FBH1: variants seen among roughly 807,000 people sequenced by gnomAD.
FBH1 encodes the protein F-box DNA helicase 1, also known as DNA 3'-5' helicase 1.
A neutral mutation model predicts 115.5 loss-of-function variants in FBH1; 43 were observed. The ratio of observed to expected loss-of-function variants is 0.37; its 90% CI spans 0.29 to 0.48. FBH1 has a LOEUF of 0.48. FBH1 is among the 20% of genes least tolerant of loss of function. FBH1 has a pLI of 0.99. For synonymous variants in FBH1, 524 were observed against 507.8 expected, an observed-to-expected ratio of 1.03 and a Z score of -0.43; for missense variants, 1,001 against 1,337.3, an observed-to-expected ratio of 0.75 and a Z score of 3.92.
chr10:5,915,677 G>A lies in FBH1; in HGVS notation c.1565+106G>A. The A allele has an allele frequency of 1.0e-6, 1 of 1,004,100 alleles. No homozygotes were observed. Among genetic ancestry groups the A allele is most frequent in the Non-Finnish European group, 1.5e-6 (1 of 674,428 alleles). 62.2% of individuals were successfully genotyped at this position (1,004,100 alleles called of 1,614,324 possible). ...GCTTACACCACAGTGACCCCGAGGAGTGTAGTGCTGTTATCTCCACTTACA... is the reference window on the plus strand; with the variant it reads ...GCTTACACCACAGTGACCCCGAGGAATGTAGTGCTGTTATCTCCACTTACA... On this transcript the variant is annotated intron_variant, in intron 9 of 20. Transcript: ENST00000362091. The surrounding 1 kb of genome is among the most constrained non-coding windows in gnomAD (Gnocchi z 5.2).
chr10:5,903,116 C>G lies in FBH1; in HGVS notation c.98C>G (p.Thr33Arg). Residue 33 changes from threonine (T) to arginine (R), a missense_variant, in exon 2 of 21, where the codon ACA becomes AGA. Coordinates refer to ENST00000362091, the MANE Select transcript of FBH1 (RefSeq NM_178150.3). ...ACCCAGCCCTTCGGTCAAAGATGGACAAACAGAGATCCGAACCATGGTCTC... is the reference window on the plus strand; with the variant it reads ...ACCCAGCCCTTCGGTCAAAGATGGAGAAACAGAGATCCGAACCATGGTCTC... ...AVTQPFGQRW[T>R]NRDPNHGLYP... 6.2e-7 allele frequency: 1 copy of G among 1,613,792 alleles called. No individual in the cohort carries two copies. Among genetic ancestry groups the G allele is most frequent in the Non-Finnish European group, 8.5e-7 (1 of 1,179,888 alleles).
Position 5,909,318 on chromosome 10 carries a change from A to T in FBH1, c.1020+24A>T. 6.3e-7 allele frequency: 1 copy of T among 1,597,398 alleles called. No individual in the cohort carries two copies. Among genetic ancestry groups the T allele is most frequent in the Non-Finnish European group, 8.5e-7 (1 of 1,176,092 alleles). ...GGGTAGGTCTGGAGGCTGCGGGAGA[A>T]GGCGGCATGTTATTTCACTGGAGGA... is the stretch of plus-strand genomic sequence containing the variant. On this transcript the variant is annotated intron_variant, in intron 5 of 20. Coordinates refer to ENST00000362091, the MANE Select transcript of FBH1 (RefSeq NM_178150.3). This position sits in a 1 kb window ranked among gnomAD's most constrained non-coding sequence, Gnocchi z 4.4.
rs1360633972 is a variant in FBH1, at chr10:5,914,453, C to G, written c.1396+184C>G. ...GGAATACTTACTTCCCCGGACCACTCCATGAACATCCACAGAATTCCTGTT... is the reference window on the plus strand; with the variant it reads ...GGAATACTTACTTCCCCGGACCACTGCATGAACATCCACAGAATTCCTGTT... On this transcript the variant is annotated intron_variant, in intron 8 of 20. Transcript: ENST00000362091. This position sits in a 1 kb window ranked among gnomAD's most constrained non-coding sequence, Gnocchi z 5.2. Among the ~76,000 whole-genome samples, 1 of 152,256 alleles carries G rather than the reference C, an allele frequency of 6.6e-6. No homozygotes were observed. The highest frequency in any genetic ancestry group is 2.4e-5 in the African/African-American group (1 of 41,470).
chr10:5,890,554 G>A (rs1169785245), intron 1 of FBH1, among the ~76,000 whole-genome samples: 15 of 151,170 alleles, frequency 9.9e-5, no homozygotes, highest in Admixed American at 9.2e-4. Context: ...GGGTGCGCGG[G>A]GGAGGCCAGG....
rs937841869 is a variant in FBH1 at position 5,900,970 on chromosome 10, G to A, written c.2-2050G>A. Reference sequence around the variant, plus strand: ...AAGTTAGCTGGGTGTGGTGGAGGGGGCCTGTAGTCCCAGCTACTTGGGAGG... The same window carrying A: ...AAGTTAGCTGGGTGTGGTGGAGGGGACCTGTAGTCCCAGCTACTTGGGAGG... On this transcript the variant is annotated intron_variant, in intron 1 of 20. Transcript: ENST00000362091. This position sits in a 1 kb window ranked among gnomAD's most constrained non-coding sequence, Gnocchi z 4.2. Among the ~76,000 whole-genome samples the A allele has an allele frequency of 6.6e-6, 1 of 152,040 alleles. No individual in the cohort carries two copies. Among genetic ancestry groups the A allele is most frequent in the Non-Finnish European group, 1.5e-5 (1 of 68,020 alleles).
Position 5,900,121 on chromosome 10 carries a change from G to A in FBH1, c.2-2899G>A, listed in dbSNP as rs1392499177. On this transcript the variant is annotated intron_variant, in intron 1 of 20. Transcript: ENST00000362091. This position sits in a 1 kb window ranked among gnomAD's most constrained non-coding sequence, Gnocchi z 4.2. ...AGTAATACAGAATTGGCTGTATTTG[G>A]GCTGCTAATACACTTCCTGCTTTGC... Among the ~76,000 whole-genome samples the A allele has an allele frequency of 6.6e-6, 1 of 152,122 alleles. No individual in the cohort carries two copies. The highest frequency in any genetic ancestry group is 1.5e-5 in the Non-Finnish European group (1 of 68,020).
chr10:5,898,279 T>C (rs1843127000), intron 1 of FBH1, among the ~76,000 whole-genome samples: 1 of 152,246 alleles, frequency 6.6e-6, no homozygotes, highest in Non-Finnish European at 1.5e-5. Flanking sequence ...TCCTGGTTCA[T>C]AGACGGCACC....
At position 5,936,922 on chromosome 10, in the gene FBH1, G is replaced by A; in HGVS notation, c.2962-188G>A. ...CTGTTTCTGAGCTCAGGGAATTTGG[G>A]GGTGTTGAGGCCACCTAGTTGGTGG... On this transcript the variant is annotated intron_variant, in intron 20 of 20. Transcript: ENST00000362091. The surrounding 1 kb of genome is among the most constrained non-coding windows in gnomAD (Gnocchi z 5.6). 1.5e-6 allele frequency: 1 copy of A among 647,646 alleles called. No homozygotes were observed. The highest frequency in any genetic ancestry group is 2.4e-5 in the South Asian group (1 of 41,762). The allele number at this position is 647,646 out of a possible 1,614,324, so 40.1% of individuals were successfully genotyped here. A position where few individuals can be genotyped will look rare whatever the true frequency, so the allele number is the denominator to read the frequency against.
rs1484193447 is a variant in FBH1, at chr10:5,918,938, A to G, written c.2100+460A>G. ...GTGACAACTCACAGTGTCCTTGATT[A>G]TGCGAAAAGTTTATTATGCGCTCCT... On this transcript the variant is annotated intron_variant, in intron 13 of 20. Coordinates refer to ENST00000362091, the MANE Select transcript of FBH1 (RefSeq NM_178150.3). This position sits in a 1 kb window ranked among gnomAD's most constrained non-coding sequence, Gnocchi z 4.0. Among the ~76,000 whole-genome samples the G allele has an allele frequency of 6.6e-6, 1 of 152,238 alleles. No individual in the cohort carries two copies. The highest frequency in any genetic ancestry group is 1.5e-5 in the Non-Finnish European group (1 of 68,034).
chr10:5,918,953 T>C lies in FBH1; in HGVS notation c.2100+475T>C, dbSNP rs1010631658. ...GTCCTTGATTATGCGAAAAGTTTAT[T>C]ATGCGCTCCTTCCTTTCCAATCACA... On this transcript the variant is annotated intron_variant, in intron 13 of 20. Coordinates refer to ENST00000362091, the MANE Select transcript of FBH1 (RefSeq NM_178150.3). The surrounding 1 kb of genome is among the most constrained non-coding windows in gnomAD (Gnocchi z 4.0). Among the ~76,000 whole-genome samples the C allele has an allele frequency of 2.1e-4, 32 of 152,352 alleles. No individual in the cohort carries two copies. Among genetic ancestry groups the C allele is most frequent in the African/African-American group, 7.7e-4 (32 of 41,578 alleles).
At chr10:5,893,125 G>C (rs919339590) in intron 1 of FBH1, among the ~76,000 whole-genome samples, 4 of 152,194 alleles carry the variant, frequency 2.6e-5, no homozygotes, top group Admixed American at 6.5e-5. Flanking sequence ...GGGCAACACG[G>C]TGAAATCCTA....
At chr10:5,896,769 C>CA in intron 1 of FBH1, among the ~76,000 whole-genome samples, 1 of 152,156 alleles carries the variant, frequency 6.6e-6, no homozygotes, top group African/African-American at 2.4e-5. Flanking sequence ...TGTGGTCATT[C>CA]ACCACAGATA....
intron 19 of FBH1, among the ~76,000 whole-genome samples, chr10:5,928,072 CAAAAAAAAAAA>C (rs1010342333): frequency 2.8e-4 from 7 of 24,752 alleles, no homozygotes; most frequent in African/African-American, 5.8e-4. Context: ...GACTCCATCT[CAAAAAAAAAAA>C]AAAAAAAAAA....
chr10:5,902,896 T>G, intron 1 of FBH1, 124 bp from the exon 2 acceptor site: 1 of 839,080 alleles, frequency 1.2e-6, no homozygotes, highest in Non-Finnish European at 1.7e-6. Context: ...GGGGGAACGG[T>G]TGGCTGGGGT....
intron 13 of FBH1, among the ~76,000 whole-genome samples, chr10:5,919,594 A>G (rs1457270107): frequency 6.6e-6 from 1 of 152,232 alleles, no homozygotes; most frequent in Non-Finnish European, 1.5e-5. Context: ...AGGCTTTTTA[A>G]GTGTGATTTT....
chr10:5,927,072 G>C (rs575834075), intron 18 of FBH1, among the ~76,000 whole-genome samples: 1 of 152,210 alleles, frequency 6.6e-6, no homozygotes, highest in African/African-American at 2.4e-5. Context: ...GTTTGTGGGA[G>C]TGACTTAACC....
In FBH1 at chr10:5,911,542, G is replaced by C; in HGVS notation, c.1211+414G>C. ...TCCTCCATGCGGGAGAGGCTATGGC[G>C]TGTCGGCTGCTGATTCACAGGGGCC... On this transcript the variant is annotated intron_variant, in intron 6 of 20. Transcript: ENST00000362091. The surrounding 1 kb of genome is among the most constrained non-coding windows in gnomAD (Gnocchi z 5.4). Among the ~76,000 whole-genome samples the C allele has an allele frequency of 6.6e-6, 1 of 152,210 alleles. No individual in the cohort carries two copies. Among genetic ancestry groups the C allele is most frequent in the East Asian group, 1.9e-4 (1 of 5,196 alleles).
At position 5,936,353 on chromosome 10, in the gene FBH1, C is replaced by G. The variant is rs1454128276; in HGVS notation, c.2830-103C>G. ...GCGGGGTTTTTCTCTCTGGGACTTA[C>G]AGTGCATCTAAAGGGTTCTCACAGA... On this transcript the variant is annotated intron_variant, in intron 19 of 20. Coordinates refer to ENST00000362091, the MANE Select transcript of FBH1 (RefSeq NM_178150.3). The surrounding 1 kb of genome is among the most constrained non-coding windows in gnomAD (Gnocchi z 5.6). 4 of 1,345,786 alleles carry G rather than the reference C, an allele frequency of 3.0e-6. No individual in the cohort carries two copies. Among genetic ancestry groups the G allele is most frequent in the South Asian group, 1.3e-5 (1 of 77,932 alleles). 83.4% of individuals were successfully genotyped at this position (1,345,786 alleles called of 1,614,324 possible). A position where few individuals can be genotyped will look rare whatever the true frequency, so the allele number is the denominator to read the frequency against.
Position 5,906,068 on chromosome 10 carries a change from C to T in FBH1, c.189C>T (p.Phe63=). 1 of 1,611,154 alleles carries T rather than the reference C, an allele frequency of 6.2e-7. No homozygotes were observed. The highest frequency in any genetic ancestry group is 2.2e-5 in the East Asian group (1 of 44,780). The change falls in exon 3 of 21, where the codon TTC becomes TTT. Residue 63 remains phenylalanine (F), a synonymous_variant. Transcript: ENST00000362091. This position sits in a 1 kb window ranked among gnomAD's most constrained non-coding sequence, Gnocchi z 7.3. ...GAAGTCAAAGATGCATCCCTGAGTT[C>T]TTCCTAGCAGGCAAGCAGCCGTGCA... ...GQGSQRCIPE[F]FLAGKQPCTN...
Sources: gnomAD v4.1 joint callset for allele counts (sites outside exome capture counted in the v4.1 genomes callset) on GRCh38, gnomAD v4.1.1 for gene constraint, Gnocchi (gnomAD v3.1) non-coding constraint, MANE v1.5 for transcripts, NCBI Gene and HGNC (gene_info 2026-07-23, HGNC 2026-07-21) for gene names.